Variants in FSTL5 observed in about 807,000 individuals in gnomAD.
FSTL5 encodes follistatin-related protein 5.
In FSTL5, 62 loss-of-function variants were observed where a neutral mutation model predicts 89.1. The ratio of observed to expected loss-of-function variants is 0.70; its 90% CI spans 0.57 to 0.86. The LOEUF is 0.86. Among genes scored for constraint, FSTL5 ranks in the 40% least tolerant of loss-of-function variants. The pLI is 0.00. For synonymous variants in FSTL5, 383 were observed against 346.2 expected (o/e 1.11, Z -1.18); for missense variants, 1,057 against 1,001.6 (o/e 1.06, Z -0.75).
intron 7 of FSTL5, among the ~76,000 whole-genome samples, chr4:161,588,221 AG>A (rs377246998): frequency 1.8e-3 from 279 of 152,184 alleles, no homozygotes; most frequent in African/African-American, 6.6e-3. Flanking sequence ...AGATTAGCAT[AG>A]CTATAATGTG....
intron 5 of FSTL5, among the ~76,000 whole-genome samples, chr4:161,771,417 C>G (rs1490474538): frequency 6.6e-6 from 1 of 151,866 alleles, no homozygotes; most frequent in Non-Finnish European, 1.5e-5. Flanking sequence ...GTTTATATAT[C>G]GAGAAACTAA....
At position 161,970,301 on chromosome 4, in the gene FSTL5, T is replaced by C. The variant is rs148316136; in HGVS notation, c.161-49649A>G. Reference sequence around the variant, plus strand: ...ACTCATTCTATATTTAGCAAGTTTATCTTGATATATCAGTAATAATATTTT... The same window carrying C: ...ACTCATTCTATATTTAGCAAGTTTACCTTGATATATCAGTAATAATATTTT... On this transcript the variant is annotated intron_variant, in intron 3 of 15. Coordinates refer to ENST00000306100, the MANE Select transcript of FSTL5 (RefSeq NM_020116.5). Among the ~76,000 whole-genome samples, 36 of 152,238 alleles carry C rather than the reference T, an allele frequency of 2.4e-4. 1 individual carries two copies. The East Asian group carries it at 7.0e-3, about 29-fold the overall frequency.
At chr4:162,006,965 G>A (rs765897410) in intron 3 of FSTL5, among the ~76,000 whole-genome samples, 9 of 151,754 alleles carry the variant, frequency 5.9e-5, no homozygotes, top group South Asian at 2.1e-4. Context: ...ATCTGCTAAC[G>A]TTCCATGTTA....
At chr4:161,933,024 T>G (rs954202195) in intron 3 of FSTL5, among the ~76,000 whole-genome samples, 2 of 152,140 alleles carry the variant, frequency 1.3e-5, no homozygotes, top group African/African-American at 4.8e-5. Context: ...AGTTTGCGTA[T>G]GATAATCTTC....
At chr4:161,676,711 C>A (rs1039781475) in intron 6 of FSTL5, among the ~76,000 whole-genome samples, 1 of 151,254 alleles carries the variant, frequency 6.6e-6, no homozygotes, top group Admixed American at 6.6e-5. Context: ...AACAAACTTA[C>A]AATTATTCGC....
intron 7 of FSTL5, among the ~76,000 whole-genome samples, chr4:161,602,934 A>G (rs1196837348): frequency 6.6e-6 from 1 of 152,224 alleles, no homozygotes; most frequent in East Asian, 1.9e-4. Flanking sequence ...AAGGAATGTA[A>G]TACCAGAAAG....
At chr4:161,977,936 C>T (rs945884190) in intron 3 of FSTL5, among the ~76,000 whole-genome samples, 1 of 151,960 alleles carries the variant, frequency 6.6e-6, no homozygotes, top group Non-Finnish European at 1.5e-5. Flanking sequence ...AAGAAATTAC[C>T]ATATAAAATC....
At position 161,785,603 on chromosome 4, in the gene FSTL5, C is replaced by T. The variant is rs1323714367; in HGVS notation, c.410-9529G>A. On this transcript the variant is annotated intron_variant, in intron 4 of 15. Transcript: ENST00000306100. ...AAACGACAGTCATAGAGAAAAACTG[C>T]AATGCAGCTATATGAGAAATGTATA... Among the ~76,000 whole-genome samples, 4 of 152,112 alleles carry T rather than the reference C, an allele frequency of 2.6e-5. No homozygotes were observed. The East Asian group carries it at 7.7e-4, about 29-fold the overall frequency.
intron 2 of FSTL5, among the ~76,000 whole-genome samples, chr4:162,109,248 A>T (rs1229336078): frequency 6.6e-6 from 1 of 152,066 alleles, no homozygotes; most frequent in Middle Eastern, 3.2e-3. Context: ...GTAATTCCTG[A>T]GGGCTGAATA....
intron 13 of FSTL5, among the ~76,000 whole-genome samples, chr4:161,472,561 A>G (rs1204311055): frequency 6.6e-6 from 1 of 151,044 alleles, no homozygotes; most frequent in African/African-American, 2.4e-5. Context: ...TTGTGCTTTT[A>G]TTTTCATTTG....
intron 1 of FSTL5, among the ~76,000 whole-genome samples, chr4:162,132,075 G>T (rs1194771120): frequency 6.6e-6 from 1 of 152,164 alleles, no homozygotes; most frequent in Admixed American, 6.5e-5. Context: ...TAACCTCAAA[G>T]CGTTTGAATT....
chr4:161,777,593 C>G (rs1741457441), intron 4 of FSTL5, among the ~76,000 whole-genome samples: 1 of 151,922 alleles, frequency 6.6e-6, no homozygotes, highest in South Asian at 2.1e-4. Flanking sequence ...GATATTCATT[C>G]ATCTCTTTTT....
intron 2 of FSTL5, among the ~76,000 whole-genome samples, chr4:162,086,462 A>T (rs976809560): frequency 4.6e-5 from 7 of 151,574 alleles, no homozygotes; most frequent in African/African-American, 1.7e-4. Context: ...AATTTATAGG[A>T]TATTTATAAA....
chr4:161,842,088 A>T (rs1465136480), intron 4 of FSTL5, among the ~76,000 whole-genome samples: 1 of 152,182 alleles, frequency 6.6e-6, no homozygotes, highest in East Asian at 1.9e-4. Context: ...AATCAAAAAC[A>T]GGTGGCTAAA....
At chr4:162,003,493 T>C (rs553791036) in intron 3 of FSTL5, among the ~76,000 whole-genome samples, 27 of 151,616 alleles carry the variant, frequency 1.8e-4, no homozygotes, top group African/African-American at 6.3e-4. Context: ...TAATGGAAGA[T>C]AGCACAGAAA....
At chr4:161,559,376 TTC>T (rs1196065867) in intron 8 of FSTL5, among the ~76,000 whole-genome samples, 1 of 151,816 alleles carries the variant, frequency 6.6e-6, no homozygotes, top group Non-Finnish European at 1.5e-5. Context: ...CTTCTATTTC[TTC>T]TCTCTTTCCT....
rs1280983963 is a variant in FSTL5 at position 161,529,759 on chromosome 4, C to T, written c.1312+8407G>A. ...TAGCTCATCACTATCAGGATAAAATCCTACCCGGCTGTGATGTCTGCACTT... is the reference window on the plus strand; with the variant it reads ...TAGCTCATCACTATCAGGATAAAATTCTACCCGGCTGTGATGTCTGCACTT... On this transcript the variant is annotated intron_variant, in intron 10 of 15. Coordinates refer to ENST00000306100, the MANE Select transcript of FSTL5 (RefSeq NM_020116.5). 1.4e-5 allele frequency among the ~76,000 whole-genome samples: 2 copies of T among 142,026 alleles called. 1 individual carries two copies. Among genetic ancestry groups the T allele is most frequent in the Non-Finnish European group, 3.1e-5 (2 of 64,846 alleles). The allele number at this position is 142,026 out of a possible 152,430, so 93.2% of individuals were successfully genotyped here.
chr4:161,709,771 G>A (rs1369506976), intron 6 of FSTL5, among the ~76,000 whole-genome samples: 1 of 151,762 alleles, frequency 6.6e-6, no homozygotes, highest in Non-Finnish European at 1.5e-5. Context: ...AATTCAGCCT[G>A]AACAGAGCAA....
chr4:162,152,305 GC>G (rs1733255512), intron 1 of FSTL5, among the ~76,000 whole-genome samples: 1 of 152,206 alleles, frequency 6.6e-6, no homozygotes, highest in South Asian at 2.1e-4. Context: ...ATTAATTATA[GC>G]TTTATGAGAA....
Sources: gnomAD v4.1 joint callset for allele counts (sites outside exome capture counted in the v4.1 genomes callset) on GRCh38, gnomAD v4.1.1 for gene constraint, MANE v1.5 for transcripts, NCBI Gene and HGNC (gene_info 2026-07-23, HGNC 2026-07-21) for gene names.